The following RALGAPA1 variants were observed in gnomAD, a reference collection of about 807,000 sequenced individuals.
RALGAPA1 encodes the protein Ral GTPase activating protein catalytic subunit alpha 1.
A neutral mutation model predicts 269.6 loss-of-function variants in RALGAPA1; 52 were observed. The ratio of observed to expected loss-of-function variants is 0.19; its 90% CI spans 0.15 to 0.24. The LOEUF is 0.24. Among genes scored for constraint, RALGAPA1 ranks in the 10% least tolerant of loss-of-function variants. The pLI, the probability that RALGAPA1 is intolerant of heterozygous loss-of-function variation, is 1.00. For synonymous variants in RALGAPA1, 817 were observed against 1,008.3 expected (o/e 0.81, Z 3.60); for missense variants, 1,917 against 3,013.9 (o/e 0.64, Z 8.52).
At position 35,569,228 on chromosome 14, in the gene RALGAPA1, A is replaced by T. The variant is rs192183142; in HGVS notation, c.7496+1389T>A. On this transcript the variant is annotated intron_variant, in intron 39 of 41. Transcript: ENST00000680220. ...AAGATAATAAATCTATTTCATGTGG[A>T]CTGGAACATAAGATATTTTTAAAAA... is the stretch of plus-strand genomic sequence containing the variant. Among the ~76,000 whole-genome samples, 377 of 152,310 alleles carry T rather than the reference A, an allele frequency of 2.5e-3. 2 individuals carry two copies. The highest frequency in any genetic ancestry group is 8.7e-3 in the African/African-American group (360 of 41,568).
intron 18 of RALGAPA1, among the ~76,000 whole-genome samples, chr14:35,688,055 A>G (rs1170595627): frequency 6.6e-6 from 1 of 152,238 alleles, no homozygotes; most frequent in African/African-American, 2.4e-5. Context: ...AAGTGAAATC[A>G]GTTAGATATA....
intron 4 of RALGAPA1, among the ~76,000 whole-genome samples, chr14:35,764,474 C>T (rs1595474686): frequency 6.6e-6 from 1 of 152,072 alleles, no homozygotes; most frequent in Non-Finnish European, 1.5e-5. Flanking sequence ...TTATCCCAAA[C>T]AATTCAATCA....
intron 35 of RALGAPA1, among the ~76,000 whole-genome samples, chr14:35,614,845 T>C (rs1594820102): frequency 6.6e-6 from 1 of 152,094 alleles, no homozygotes; most frequent in Non-Finnish European, 1.5e-5. Flanking sequence ...TAAATAATAA[T>C]TTATAAAATT....
At chr14:35,618,805 A>G (rs2060420440) in intron 35 of RALGAPA1, among the ~76,000 whole-genome samples, 1 of 152,134 alleles carries the variant, frequency 6.6e-6, no homozygotes, top group Non-Finnish European at 1.5e-5. Context: ...AATGGGGGAA[A>G]AATCCTATTC....
At chr14:35,724,995 C>A (rs756733003) in intron 14 of RALGAPA1, 29 bp downstream of exon 14, 1 of 1,551,986 alleles carries the variant, frequency 6.4e-7, no homozygotes. Flanking sequence ...ATCTATCCAG[C>A]TATTCATCTA....
At chr14:35,801,280 CACAT>C (rs200670254) in intron 1 of RALGAPA1, among the ~76,000 whole-genome samples, 1,813 of 145,634 alleles carry the variant, frequency 0.012, 51 homozygotes, top group African/African-American at 0.045. Context: ...CACACACACA[CACAT>C]TTGAGATAGA....
At chr14:35,677,784 T>C in intron 22 of RALGAPA1, 166 bp downstream of exon 22, 1 of 637,226 alleles carries the variant, frequency 1.6e-6, no homozygotes, top group Non-Finnish European at 2.6e-6. Context: ...AACAAATATC[T>C]TTAAGAACAA....
chr14:35,694,984 G>T (rs1267458570), intron 17 of RALGAPA1, among the ~76,000 whole-genome samples: 2 of 152,080 alleles, frequency 1.3e-5, no homozygotes, highest in African/African-American at 4.8e-5. Context: ...GGAGGCTGAG[G>T]CACAAGAATT....
chr14:35,615,217 A>C (rs1015665859), intron 35 of RALGAPA1, among the ~76,000 whole-genome samples: 3 of 152,190 alleles, frequency 2.0e-5, no homozygotes, highest in Non-Finnish European at 2.9e-5. Flanking sequence ...GGAAAACTCA[A>C]AGTGACATCT....
At chr14:35,592,956 C>CCA (rs1396753092) in intron 37 of RALGAPA1, among the ~76,000 whole-genome samples, 1 of 152,004 alleles carries the variant, frequency 6.6e-6, no homozygotes, top group Non-Finnish European at 1.5e-5. Flanking sequence ...GAAAGGATGC[C>CCA]CACTTTTGCT....
In RALGAPA1 at chr14:35,640,924, C is replaced by T. The variant is rs141970269; in HGVS notation, c.5677-5326G>A. The stretch of plus-strand genomic sequence containing the variant: ...TCCCAGGGATTCAAGGATGATTCAA[C>T]ATACACAAATCAATCAATGTGATAC... On this transcript the variant is annotated intron_variant, in intron 31 of 41. Transcript: ENST00000680220. Among the ~76,000 whole-genome samples the T allele has an allele frequency of 2.7e-3, 406 of 151,234 alleles. 2 individuals are homozygous for T. Among genetic ancestry groups the T allele is most frequent in the African/African-American group, 7.2e-3 (294 of 40,786 alleles).
intron 39 of RALGAPA1, among the ~76,000 whole-genome samples, chr14:35,553,320 G>C (rs1010208918): frequency 6.6e-6 from 1 of 152,180 alleles, no homozygotes; most frequent in Admixed American, 6.5e-5. Context: ...CACGTACAGA[G>C]AGGGAATTTT....
chr14:35,597,799 G>A (rs965204265), intron 36 of RALGAPA1, among the ~76,000 whole-genome samples: 4 of 152,180 alleles, frequency 2.6e-5, no homozygotes, highest in African/African-American at 9.7e-5. Context: ...AAAGGACATA[G>A]GATGTAACCT....
intron 18 of RALGAPA1, among the ~76,000 whole-genome samples, chr14:35,687,325 G>A (rs2066030556): frequency 6.6e-6 from 1 of 151,964 alleles, no homozygotes; most frequent in South Asian, 2.1e-4. Flanking sequence ...AAAATAATAT[G>A]GTATCTATGT....
At chr14:35,672,493 A>G (rs1255866887) in intron 25 of RALGAPA1, among the ~76,000 whole-genome samples, 1 of 151,846 alleles carries the variant, frequency 6.6e-6, no homozygotes, top group African/African-American at 2.4e-5. Context: ...CTGTTGCATA[A>G]CTAGATAAAC....
At chr14:35,641,674 C>G (rs1181511880) in intron 31 of RALGAPA1, among the ~76,000 whole-genome samples, 1 of 152,074 alleles carries the variant, frequency 6.6e-6, no homozygotes, top group Non-Finnish European at 1.5e-5. Context: ...CCATACTACC[C>G]AAATCAATCT....
chr14:35,559,944 G>T lies in RALGAPA1; in HGVS notation c.7496+10673C>A, dbSNP rs904195290. Among the ~76,000 whole-genome samples, 4 of 152,122 alleles carry T rather than the reference G, an allele frequency of 2.6e-5. No homozygotes were observed. The East Asian group carries it at 7.7e-4, about 29-fold the overall frequency. On this transcript the variant is annotated intron_variant, in intron 39 of 41. Coordinates refer to ENST00000680220, the MANE Select transcript of RALGAPA1 (RefSeq NM_001346249.2). ...AAATCTCAGATGCTCTTTTAAAAATGATACATATGTATAAATACTATCAAA... is the reference window on the plus strand; with the variant it reads ...AAATCTCAGATGCTCTTTTAAAAATTATACATATGTATAAATACTATCAAA...
At chr14:35,715,672 G>A in intron 16 of RALGAPA1, 2 of 968,844 alleles carry the variant, frequency 2.1e-6, no homozygotes, top group Non-Finnish European at 2.5e-6. Context: ...GGTAATTTGT[G>A]TTTGCTTGTA....
intron 37 of RALGAPA1, among the ~76,000 whole-genome samples, chr14:35,580,934 C>T (rs1036352142): frequency 2.6e-5 from 4 of 152,074 alleles, no homozygotes; most frequent in Admixed American, 6.6e-5. Context: ...CACTTCAACC[C>T]GTGCTCATTA....
Sources: allele counts gnomAD v4.1 joint callset (sites outside exome capture counted in the v4.1 genomes callset), GRCh38; gene constraint gnomAD v4.1.1; transcripts MANE v1.5; gene names NCBI Gene and HGNC (gene_info 2026-07-23, HGNC 2026-07-21).